SSH1: variants seen among roughly 807,000 people sequenced by gnomAD.
The protein encoded by SSH1 is protein phosphatase Slingshot homolog 1.
Under a neutral mutation model 79.7 loss-of-function variants are expected in SSH1, and 43 were observed. The observed-to-expected ratio is 0.54, with a 90% confidence interval of 0.42 to 0.70. SSH1 has a LOEUF of 0.70. SSH1 is among the 30% of genes least tolerant of loss of function. The probability of loss-of-function intolerance (pLI) is 0.00; values close to 1 mark genes in which losing one functional copy is unlikely to be tolerated. For missense variants in SSH1, 1,206 were observed against 1,358.8 expected, an observed-to-expected ratio of 0.89 and a Z score of 1.77; for synonymous variants, 599 against 538.3, an observed-to-expected ratio of 1.11 and a Z score of -1.56.
chr12:108,793,454 G>T (rs2036604873), intron 13 of SSH1, among the ~76,000 whole-genome samples: 1 of 150,308 alleles, frequency 6.7e-6, no homozygotes, highest in Admixed American at 6.6e-5. Flanking sequence ...CAGTGCAGTG[G>T]TGTGATCACG....
intron 2 of SSH1, among the ~76,000 whole-genome samples, chr12:108,837,659 T>TAA (rs1167410976): frequency 2.0e-5 from 3 of 152,236 alleles, no homozygotes; most frequent in Non-Finnish European, 2.9e-5. Context: ...GGAAAACATG[T>TAA]AAGTATTTGT....
chr12:108,795,594 G>T (rs2036715139), intron 13 of SSH1, among the ~76,000 whole-genome samples: 1 of 151,888 alleles, frequency 6.6e-6, no homozygotes, highest in African/African-American at 2.4e-5. Flanking sequence ...TTTGGGCCAG[G>T]TGTGGTGGCC....
intron 9 of SSH1, among the ~76,000 whole-genome samples, chr12:108,805,939 C>A (rs2037248369): frequency 1.3e-5 from 2 of 151,616 alleles, no homozygotes; most frequent in Admixed American, 1.3e-4. Flanking sequence ...CCATAAAACC[C>A]AAGGTAATAG....
At chr12:108,844,093 G>A (rs1286721141) in intron 2 of SSH1, among the ~76,000 whole-genome samples, 1 of 152,090 alleles carries the variant, frequency 6.6e-6, no homozygotes, top group African/African-American at 2.4e-5. Flanking sequence ...TCTACTATGG[G>A]AGAAGGGGTT....
At chr12:108,809,439 G>A (rs1332210406) in intron 7 of SSH1, among the ~76,000 whole-genome samples, 3 of 148,654 alleles carry the variant, frequency 2.0e-5, no homozygotes, top group Non-Finnish European at 4.5e-5. Flanking sequence ...CCTGGGTGAC[G>A]GAGCAAGACC....
In SSH1 at chr12:108,835,878, A is replaced by G. The variant is rs566171212; in HGVS notation, c.111-12517T>C. On this transcript the variant is annotated intron_variant, in intron 2 of 14. Coordinates refer to ENST00000326495, the MANE Select transcript of SSH1 (RefSeq NM_018984.4). ...GATATATAGCATATATACATATTAT[A>G]TTAATTAATTATAACTATATTAATA... is the stretch of plus-strand genomic sequence containing the variant. Among the ~76,000 whole-genome samples the G allele has an allele frequency of 5.8e-3, 613 of 105,122 alleles. 59 individuals carry two copies. Among genetic ancestry groups the G allele is most frequent in the African/African-American group, 0.02 (566 of 27,732 alleles). The allele number at this position is 105,122 out of a possible 152,430, so 69.0% of individuals were successfully genotyped here.
chr12:108,786,090 C>T lies in SSH1; in HGVS notation c.*1898G>A, dbSNP rs2036264722. The T allele has an allele frequency of 2.6e-5, 4 of 152,224 alleles. No homozygotes were observed. The highest frequency in any genetic ancestry group is 1.3e-4 in the Admixed American group (2 of 15,274). The allele number at this position is 152,224 out of a possible 1,614,324, so 9.4% of individuals were successfully genotyped here. A position where few individuals can be genotyped will look rare whatever the true frequency, so the allele number is the denominator to read the frequency against. On this transcript the variant is annotated 3_prime_UTR_variant, in exon 15 of 15. Transcript: ENST00000326495. ...CTCACTAGGTAAAATATGAACTAGC[C>T]TTGTTCCTGCAGATCCCTCCTGGGG...
intron 3 of SSH1, among the ~76,000 whole-genome samples, chr12:108,821,369 G>A (rs2038112371): frequency 6.6e-6 from 1 of 151,592 alleles, no homozygotes; most frequent in Non-Finnish European, 1.5e-5. Context: ...ACGCCAGCCT[G>A]GGCAAGAGAA....
intron 2 of SSH1, among the ~76,000 whole-genome samples, chr12:108,847,551 G>A (rs1227628978): frequency 6.6e-6 from 1 of 152,118 alleles, no homozygotes; most frequent in Non-Finnish European, 1.5e-5. Flanking sequence ...GCAACCTCCC[G>A]GGTTCAAACA....
intron 13 of SSH1, 77 bp downstream of exon 13, chr12:108,798,923 G>C: frequency 6.5e-7 from 1 of 1,543,302 alleles, no homozygotes; most frequent in Non-Finnish European, 8.9e-7. Flanking sequence ...CTCTGCTGCC[G>C]ACAGAGGCCT....
chr12:108,831,509 A>T (rs562074033), intron 2 of SSH1, among the ~76,000 whole-genome samples: 7 of 152,292 alleles, frequency 4.6e-5, no homozygotes, highest in African/African-American at 1.7e-4. Flanking sequence ...CCTGGTCTGG[A>T]GTGACACTGG....
intron 2 of SSH1, chr12:108,827,157 A>G (rs1056064663): frequency 5.4e-6 from 6 of 1,108,624 alleles, no homozygotes; most frequent in Middle Eastern, 2.1e-4. Flanking sequence ...AAAAAACCTC[A>G]ATCAATGCTC....
chr12:108,802,437 T>C lies in SSH1; in HGVS notation c.955-69A>G, dbSNP rs186492135. On this transcript the variant is annotated intron_variant, in intron 10 of 14. Transcript: ENST00000326495. ...GCCTCAGAGCTGCTCAGGGGATGCA[T>C]GGTTTGCCCTAGCTCTGGCGGTGAG... is the stretch of plus-strand genomic sequence containing the variant. The C allele has an allele frequency of 1.7e-5, 25 of 1,467,802 alleles. No individual in the cohort carries two copies. The Admixed American group carries it at 3.2e-4, about 19-fold the overall frequency. The allele number at this position is 1,467,802 out of a possible 1,614,324, so 90.9% of individuals were successfully genotyped here. A position where few individuals can be genotyped will look rare whatever the true frequency, so the allele number is the denominator to read the frequency against.
At chr12:108,848,065 A>G (rs1162750977) in intron 2 of SSH1, among the ~76,000 whole-genome samples, 1 of 152,136 alleles carries the variant, frequency 6.6e-6, no homozygotes, top group Non-Finnish European at 1.5e-5. Flanking sequence ...CACATGCGAG[A>G]GGGGAGGGTG....
chr12:108,818,030 T>C (rs1432091467), intron 4 of SSH1, among the ~76,000 whole-genome samples: 2 of 151,820 alleles, frequency 1.3e-5, no homozygotes, highest in Non-Finnish European at 2.9e-5. Context: ...CAAGACCCCA[T>C]ATCCACAAAA....
chr12:108,790,772 A>G (rs1200507423), intron 14 of SSH1, among the ~76,000 whole-genome samples: 4 of 152,244 alleles, frequency 2.6e-5, no homozygotes, highest in Non-Finnish European at 1.5e-5. Context: ...TGCATCTGTC[A>G]GGACCCCAAG....
At position 108,838,362 on chromosome 12, in the gene SSH1, G is replaced by A. The variant is rs866091945; in HGVS notation, c.110+14276C>T. On this transcript the variant is annotated intron_variant, in intron 2 of 14. Transcript: ENST00000326495. Reference sequence around the variant, plus strand: ...GCAGAAGAGAACGATGAAGAGCTCTGCTCTCCCAGGTCTTCCTGGTCTGTG... The same window carrying A: ...GCAGAAGAGAACGATGAAGAGCTCTACTCTCCCAGGTCTTCCTGGTCTGTG... 1.2e-4 allele frequency among the ~76,000 whole-genome samples: 19 copies of A among 152,322 alleles called. No homozygotes were observed. In the Middle Eastern group the frequency reaches 0.01, roughly 82 times the overall value.
chr12:108,818,258 T>C lies in SSH1; in HGVS notation c.270A>G (p.Arg90=), dbSNP rs746681718. ...TCTCACTGCTTCTTACCAGCTTGAT[T>C]CTGTCTTCGCAACGCAGAAGGTTGA... is the stretch of plus-strand genomic sequence containing the variant. ...VMINLLRCED[R]IKLAVRLESA... is the part of the protein sequence containing the mutation. The change falls in exon 4 of 15, where the codon AGA becomes AGG. Residue 90 remains arginine, a synonymous_variant. Transcript: ENST00000326495. 1 of 1,613,870 alleles carries C rather than the reference T, an allele frequency of 6.2e-7. No individual in the cohort carries two copies. Among genetic ancestry groups the C allele is most frequent in the Non-Finnish European group, 8.5e-7 (1 of 1,179,968 alleles).
Position 108,789,134 on chromosome 12 carries a change from A to C in SSH1, c.2004T>G (p.Cys668Trp). The C allele has an allele frequency of 6.2e-7, 1 of 1,613,802 alleles. No individual in the cohort carries two copies. The highest frequency in any genetic ancestry group is 1.1e-5 in the South Asian group (1 of 91,052). ...AGATGGCGGGAGCATTGGGGTCCTC[A>C]CATCGCTCCCTGGAGGCCTCAGGAG... is the stretch of plus-strand genomic sequence containing the variant. Reference protein sequence around the residue: ...SGAPEASRERCEDPNAPAICT... With the variant: ...SGAPEASRERWEDPNAPAICT... Residue 668 changes from cysteine (C) to tryptophan (W), a missense_variant, in exon 15 of 15, where the codon TGT becomes TGG. By Grantham distance (215) the Cys-to-Trp change is radical (BLOSUM62 -2). This residue lies in a region of SSH1 where 709 missense variants were observed against 730.6 expected (regional missense o/e 0.97). Transcript: ENST00000326495.
Sources: allele counts gnomAD v4.1 joint callset (sites outside exome capture counted in the v4.1 genomes callset), GRCh38; gene constraint gnomAD v4.1.1; regional missense constraint gnomAD v4.1.1; transcripts MANE v1.5; gene names NCBI Gene and HGNC (gene_info 2026-07-23, HGNC 2026-07-21).